Variants in KLF8 observed in about 807,000 individuals in gnomAD.
KLF8 encodes Krueppel-like factor 8.
KLF8 carries 10 observed loss-of-function variants against 18.2 expected under a neutral mutation model. The observed-to-expected ratio is 0.55, with a 90% CI of 0.34 to 0.93. The LOEUF (loss-of-function observed/expected upper bound fraction) is 0.93, where lower values mean the gene tolerates loss of function less well. KLF8 is among the 40% of genes least tolerant of loss of function. The pLI, the probability that KLF8 is intolerant of heterozygous loss-of-function variation, is 0.02. For missense variants in KLF8, 264 were observed against 277.9 expected (o/e 0.95, Z 0.36); for synonymous variants, 109 against 97.3 (o/e 1.12, Z -0.71).
At chrX:56,070,049 C>T in the KLF8 span, among the ~76,000 whole-genome samples, 96 of 112,600 alleles carry the variant, frequency 8.5e-4, no homozygotes, top group African/African-American at 2.7e-3. Context: ...GGCACATATA[C>T]ACCATGGAAT....
the KLF8 span, among the ~76,000 whole-genome samples, chrX:56,084,758 G>C: frequency 8.9e-6 from 1 of 112,232 alleles, no homozygotes; most frequent in Admixed American, 9.4e-5. Flanking sequence ...GTGAAATATT[G>C]TGCCAGTTAG....
At chrX:56,202,559 T>TCCCCCCCCCCCCCCCC in the KLF8 span, among the ~76,000 whole-genome samples, 4 of 75,803 alleles carry the variant, frequency 5.3e-5, no homozygotes, top group Non-Finnish European at 7.9e-5. Context: ...CCATTAACCT[T>TCCCCCCCCCCCCCCCC]CCCCCCCCCT....
the KLF8 span, among the ~76,000 whole-genome samples, chrX:56,029,963 A>G: frequency 2.9e-3 from 325 of 112,169 alleles, 2 homozygotes; most frequent in South Asian, 0.011. Context: ...CGAGATATTC[A>G]TTCCTGCAAA....
At chrX:56,197,884 T>A in the KLF8 span, among the ~76,000 whole-genome samples, 1 of 111,907 alleles carries the variant, frequency 8.9e-6, no homozygotes, top group Admixed American at 9.5e-5. Context: ...AAAAAGCTTA[T>A]CCACCATGAT....
chrX:55,967,542 A>C, the KLF8 span, among the ~76,000 whole-genome samples: 1 of 110,927 alleles, frequency 9.0e-6, no homozygotes, highest in Admixed American at 9.6e-5. Context: ...AGGAGATATA[A>C]AGACTGTCCT....
intron 5 of KLF8, among the ~76,000 whole-genome samples, chrX:56,280,088 C>G (rs1012417114): frequency 8.9e-6 from 1 of 111,912 alleles, no homozygotes; most frequent in Non-Finnish European, 1.9e-5. Context: ...CACTTCATCT[C>G]CCCTGAGTTT....
chrX:55,966,821 G>C, the KLF8 span, among the ~76,000 whole-genome samples: 1 of 112,014 alleles, frequency 8.9e-6, no homozygotes, highest in East Asian at 2.8e-4. Context: ...AAAGATATGT[G>C]ACCGTTCAGA....
At chrX:55,939,617 A>G in the KLF8 span, among the ~76,000 whole-genome samples, 2 of 111,713 alleles carry the variant, frequency 1.8e-5, no homozygotes, top group South Asian at 3.8e-4. Context: ...AACAAAATGG[A>G]TAGACCACTA....
the KLF8 span, among the ~76,000 whole-genome samples, chrX:56,061,073 G>A: frequency 4.9e-4 from 54 of 111,026 alleles, 1 homozygote; most frequent in Non-Finnish European, 8.5e-4. Context: ...TTATTAGTCT[G>A]GCTAGAGGTC....
chrX:56,069,812 G>GGTCCTGCCCAGCA, the KLF8 span, among the ~76,000 whole-genome samples: 1 of 111,710 alleles, frequency 9.0e-6, no homozygotes, highest in African/African-American at 3.3e-5. Context: ...CCTGCCCAGC[G>GGTCCTGCCCAGCA]GTCCTGCCCA....
the KLF8 span, among the ~76,000 whole-genome samples, chrX:56,114,559 A>G: frequency 2.7e-5 from 3 of 112,793 alleles, no homozygotes; most frequent in African/African-American, 9.7e-5. Flanking sequence ...ATTGGGTGTG[A>G]CTACCTGTGC....
At chrX:56,079,859 T>C in the KLF8 span, among the ~76,000 whole-genome samples, 1 of 111,639 alleles carries the variant, frequency 9.0e-6, no homozygotes. Flanking sequence ...ATATTTAGGA[T>C]AGTTAGCTGT....
At chrX:55,949,396 G>A in the KLF8 span, among the ~76,000 whole-genome samples, 2 of 107,243 alleles carry the variant, frequency 1.9e-5, no homozygotes, top group Admixed American at 2.1e-4. Context: ...AAAAGAATTA[G>A]TCAAGTTATA....
At chrX:56,118,717 A>C in the KLF8 span, among the ~76,000 whole-genome samples, 1 of 111,836 alleles carries the variant, frequency 8.9e-6, no homozygotes, top group African/African-American at 3.2e-5. Context: ...ATCATCAATA[A>C]ACTATAATGG....
chrX:56,069,672 C>T, the KLF8 span, among the ~76,000 whole-genome samples: 1 of 111,490 alleles, frequency 9.0e-6, no homozygotes, highest in Admixed American at 9.4e-5. Flanking sequence ...CCAGAGCAGT[C>T]AACTCCACCC....
the KLF8 span, among the ~76,000 whole-genome samples, chrX:56,012,781 G>C: frequency 2.6e-4 from 29 of 110,895 alleles, no homozygotes; most frequent in African/African-American, 9.5e-4. Context: ...TGGCCATACT[G>C]CCCAAAGTAA....
At chrX:56,188,909 T>TA in the KLF8 span, among the ~76,000 whole-genome samples, 1 of 111,767 alleles carries the variant, frequency 8.9e-6, no homozygotes, top group Non-Finnish European at 1.9e-5. Context: ...CCTAAAACCA[T>TA]AAAAACCCTA....
At chrX:55,954,046 A>G in the KLF8 span, among the ~76,000 whole-genome samples, 3 of 110,204 alleles carry the variant, frequency 2.7e-5, no homozygotes, top group South Asian at 1.2e-3. Context: ...GTATTTGCAA[A>G]TCATACTGTT....
the KLF8 span, among the ~76,000 whole-genome samples, chrX:56,025,079 G>A: frequency 1.8e-5 from 2 of 112,164 alleles, no homozygotes; most frequent in African/African-American, 6.5e-5. Flanking sequence ...TAATTCTTGG[G>A]CTTCCCATGG....
Sources: gnomAD v4.1 joint callset for allele counts (sites outside exome capture counted in the v4.1 genomes callset) on GRCh38, gnomAD v4.1.1 for gene constraint, MANE v1.5 for transcripts, NCBI Gene and HGNC (gene_info 2026-07-23, HGNC 2026-07-21) for gene names.